KIF13A: variants seen among roughly 807,000 people sequenced by gnomAD.
The protein encoded by KIF13A is kinesin-like protein KIF13A.
Under a neutral mutation model 212.2 loss-of-function variants are expected in KIF13A, and 79 were observed. The observed-to-expected ratio is 0.37, with a 90% CI of 0.31 to 0.45. The LOEUF is 0.45. Among genes scored for constraint, KIF13A ranks in the 20% least tolerant of loss-of-function variants. KIF13A has a pLI of 1.00. For synonymous variants in KIF13A, 789 were observed against 808.6 expected (o/e 0.98, Z 0.41); for missense variants, 1,901 against 2,209.0 (o/e 0.86, Z 2.79).
intron 2 of KIF13A, among the ~76,000 whole-genome samples, chr6:17,945,904 G>A (rs1777347215): frequency 2.0e-5 from 3 of 152,116 alleles, no homozygotes; most frequent in Admixed American, 6.6e-5. Flanking sequence ...TAGTCTGATA[G>A]AACCAGTATC....
chr6:17,893,684 C>T (rs1772272478), intron 3 of KIF13A, among the ~76,000 whole-genome samples: 1 of 152,090 alleles, frequency 6.6e-6, no homozygotes. Context: ...AGTATTCAGT[C>T]TTTTACTATT....
At chr6:17,974,619 T>C (rs774553882) in intron 2 of KIF13A, among the ~76,000 whole-genome samples, 16 of 151,768 alleles carry the variant, frequency 1.1e-4, no homozygotes, top group Non-Finnish European at 2.2e-4. Flanking sequence ...AGTTTTAGAG[T>C]AGTTAAGCAA....
intron 2 of KIF13A, 106 bp downstream of exon 2, chr6:17,986,948 G>A (rs904410347): frequency 5.2e-6 from 4 of 763,658 alleles, no homozygotes; most frequent in Admixed American, 2.2e-5. Flanking sequence ...CAAACTTGAA[G>A]CCGTCCTCCT....
At chr6:17,804,843 A>AAAG (rs1441511697) in intron 19 of KIF13A, among the ~76,000 whole-genome samples, 1 of 144,916 alleles carries the variant, frequency 6.9e-6, no homozygotes, top group Non-Finnish European at 1.5e-5. Flanking sequence ...AAAAAAAAAA[A>AAAG]AAGAATTAGC....
In KIF13A at chr6:17,778,973, T is replaced by C; in HGVS notation, c.4066A>G (p.Ile1356Val). ...TGCCGGAGCCGTTCAAGACTCAGAA[T>C]GTTTTCCACCTGCAGCACGCCTCGA... ...YTRGVLQVEN[I>V]LSLERLRQAV... Residue 1356 changes from isoleucine (I) to valine (V), a missense_variant, in exon 33 of 39, where the codon ATT becomes GTT. Physicochemically the swap from Ile to Val is conservative, Grantham distance 29. This residue lies in a region of KIF13A where 687 missense variants were observed against 759.1 expected (regional missense o/e 0.90). Coordinates refer to ENST00000259711, the MANE Select transcript of KIF13A (RefSeq NM_022113.6). 1.9e-6 allele frequency: 3 copies of C among 1,606,366 alleles called. No homozygotes were observed. Among genetic ancestry groups the C allele is most frequent in the Non-Finnish European group, 2.5e-6 (3 of 1,176,572 alleles).
intron 3 of KIF13A, 50 bp from the exon 4 acceptor site, chr6:17,873,487 G>T: frequency 1.6e-6 from 2 of 1,248,348 alleles, no homozygotes; most frequent in South Asian, 1.3e-5. Flanking sequence ...AACTTCTTAT[G>T]AGTAAATCAG....
At chr6:17,977,107 AC>A (rs369491004) in intron 2 of KIF13A, among the ~76,000 whole-genome samples, 1 of 101,166 alleles carries the variant, frequency 9.9e-6, no homozygotes, top group Admixed American at 9.3e-5. Context: ...GTCTCAAAAA[AC>A]AACAACAAAA....
At position 17,828,367 on chromosome 6, in the gene KIF13A, G is replaced by A. The variant is rs1362562310; in HGVS notation, c.1405C>T (p.His469Tyr). Residue 469 changes from histidine (H) to tyrosine (Y), a missense_variant, in exon 14 of 39, where the codon CAC becomes TAC. By Grantham distance (83) the His-to-Tyr change is moderately conservative (BLOSUM62 2). This residue lies in a region of KIF13A where 506 missense variants were observed against 637.4 expected (regional missense o/e 0.79). Coordinates refer to ENST00000259711, the MANE Select transcript of KIF13A (RefSeq NM_022113.6). This position sits in a 1 kb window ranked among gnomAD's most constrained non-coding sequence, Gnocchi z 4.3. Reference protein sequence around the residue: ...NELLVYYLKDHTRVGADTSQD... With the variant: ...NELLVYYLKDYTRVGADTSQD... ...GAGGTATCTGCACCCACCCTGGTGTGATCCTAGTAAAAGATTATTAAGGAA... is the reference window on the plus strand; with the variant it reads ...GAGGTATCTGCACCCACCCTGGTGTAATCCTAGTAAAAGATTATTAAGGAA... 6.2e-7 allele frequency: 1 copy of A among 1,605,250 alleles called. No homozygotes were observed.
chr6:17,885,158 A>C (rs1471695718), intron 3 of KIF13A, among the ~76,000 whole-genome samples: 2 of 152,078 alleles, frequency 1.3e-5, no homozygotes, highest in Non-Finnish European at 2.9e-5. Context: ...ATCTCAGAGG[A>C]ACTGGACTGA....
chr6:17,948,719 C>T (rs953887495), intron 2 of KIF13A, among the ~76,000 whole-genome samples: 2 of 151,786 alleles, frequency 1.3e-5, no homozygotes, highest in African/African-American at 4.8e-5. Context: ...CACCACCATG[C>T]CCGGCTAATT....
intron 9 of KIF13A, among the ~76,000 whole-genome samples, chr6:17,842,079 T>C (rs575591079): frequency 4.0e-5 from 6 of 151,670 alleles, no homozygotes; most frequent in African/African-American, 1.5e-4. Flanking sequence ...GATAGGGTCT[T>C]GCTCTGTCGC....
chr6:17,906,451 TTC>T (rs1477961088), intron 2 of KIF13A, among the ~76,000 whole-genome samples: 5 of 96,736 alleles, frequency 5.2e-5, no homozygotes, highest in Non-Finnish European at 9.8e-5. Context: ...TCTTTCTTTC[TTC>T]TTTTTTTTTT....
At chr6:17,921,973 T>C (rs1775115068) in intron 2 of KIF13A, among the ~76,000 whole-genome samples, 1 of 152,216 alleles carries the variant, frequency 6.6e-6, no homozygotes, top group Non-Finnish European at 1.5e-5. Context: ...AGCTTTTAAA[T>C]CAGGTAAAAA....
Position 17,982,800 on chromosome 6 carries a change from A to C in KIF13A, c.146+4254T>G, listed in dbSNP as rs1415405309. 6.6e-6 allele frequency among the ~76,000 whole-genome samples: 1 copy of C among 152,206 alleles called. No homozygotes were observed. The highest frequency in any genetic ancestry group is 2.4e-5 in the African/African-American group (1 of 41,450). ...GATCAGACCCGTAAGCCAACCACCT[A>C]TATTTTAAAAACCACCACTACCATT... On this transcript the variant is annotated intron_variant, in intron 2 of 38. Coordinates refer to ENST00000259711, the MANE Select transcript of KIF13A (RefSeq NM_022113.6). This position sits in a 1 kb window ranked among gnomAD's most constrained non-coding sequence, Gnocchi z 5.1.
chr6:17,877,648 T>G (rs1200350258), intron 3 of KIF13A, among the ~76,000 whole-genome samples: 2 of 152,300 alleles, frequency 1.3e-5, no homozygotes, highest in Admixed American at 1.3e-4. Context: ...ATAGAGGCTA[T>G]TTTCCTTTCT....
In KIF13A at chr6:17,836,892, G is replaced by C. The variant is rs776467254; in HGVS notation, c.1141C>G (p.Leu381Val). 18 of 1,613,684 alleles carry C rather than the reference G, an allele frequency of 1.1e-5. No individual in the cohort carries two copies. The highest frequency in any genetic ancestry group is 6.6e-5 in the South Asian group (6 of 91,074). Residue 381 changes from leucine to valine, a missense_variant, in exon 11 of 39, where the codon CTC becomes GTC. This residue lies in a region of KIF13A where 506 missense variants were observed against 637.4 expected (regional missense o/e 0.79). Coordinates refer to ENST00000259711, the MANE Select transcript of KIF13A (RefSeq NM_022113.6). ...GCTGCTTTTACCTCTGCCTGAGAGA[G>C]CTGCTCTCTCAGTTTCTCGACTTCC... ...REEVEKLREQ[L>V]SQAEAMKAPE... is the part of the protein sequence containing the mutation.
At chr6:17,906,247 T>C (rs1773487919) in intron 2 of KIF13A, among the ~76,000 whole-genome samples, 1 of 152,146 alleles carries the variant, frequency 6.6e-6, no homozygotes, top group South Asian at 2.1e-4. Context: ...GGGTAGATCA[T>C]TCAGAATCTA....
At chr6:17,901,390 C>T (rs746860545) in intron 2 of KIF13A, among the ~76,000 whole-genome samples, 13 of 152,076 alleles carry the variant, frequency 8.5e-5, no homozygotes, top group Non-Finnish European at 1.0e-4. Context: ...TAATCTTCAT[C>T]GCTTTCATAT....
At chr6:17,911,775 T>TG (rs1561753108) in intron 2 of KIF13A, among the ~76,000 whole-genome samples, 1 of 151,652 alleles carries the variant, frequency 6.6e-6, no homozygotes. Context: ...ATAATTTTTT[T>TG]TTTTTTTGAG....
Sources: gnomAD v4.1 joint callset for allele counts (sites outside exome capture counted in the v4.1 genomes callset) on GRCh38, gnomAD v4.1.1 for gene constraint, gnomAD v4.1.1 regional missense constraint, Gnocchi (gnomAD v3.1) non-coding constraint, MANE v1.5 for transcripts, NCBI Gene and HGNC (gene_info 2026-07-23, HGNC 2026-07-21) for gene names.